Variants in MBP observed in about 807,000 individuals in gnomAD.
MBP encodes the protein Golli-MBP.
A neutral mutation model predicts 35.8 loss-of-function variants in MBP; 16 were observed. The ratio of observed to expected loss-of-function variants is 0.45; its 90% CI spans 0.30 to 0.68. The LOEUF is 0.68. Among genes scored for constraint, MBP ranks in the 30% least tolerant of loss-of-function variants. MBP has a pLI of 0.08. For synonymous variants in MBP, 143 were observed against 159.6 expected (o/e 0.90, Z 0.78); for missense variants, 380 against 404.7 (o/e 0.94, Z 0.52).
rs79369339 is a variant in MBP at position 77,066,283 on chromosome 18, A to G, written c.139+15T>C. ...CACCATGTGGCGCCATGTTGCCGAT[A>G]TCTGCGTCACCTACCGAACACTTCG... On this transcript the variant is annotated intron_variant, in intron 3 of 8. Coordinates refer to ENST00000355994, the MANE Select transcript of MBP (RefSeq NM_001025101.2). 0.056 allele frequency: 89,013 copies of G among 1,603,644 alleles called. 3,146 individuals are homozygous for G. The highest frequency in any genetic ancestry group is 0.13 in the African/African-American group (9,901 of 74,590).
At chr18:76,993,670 A>C (rs1970101196) in intron 4 of MBP, among the ~76,000 whole-genome samples, 1 of 151,876 alleles carries the variant, frequency 6.6e-6, no homozygotes, top group Non-Finnish European at 1.5e-5. Context: ...AACGATTCTC[A>C]TTCCTGATGA....
chr18:77,067,807 C>T (rs760424172), intron 2 of MBP: 6 of 510,888 alleles, frequency 1.2e-5, no homozygotes, highest in South Asian at 7.1e-5. Context: ...TGTACATAGT[C>T]TCAATTTTAC....
intron 4 of MBP, among the ~76,000 whole-genome samples, chr18:77,002,056 T>C: frequency 6.6e-6 from 1 of 152,212 alleles, no homozygotes; most frequent in Non-Finnish European, 1.5e-5. Context: ...TTTGGGGAAG[T>C]GGGTCAAATA....
intron 1 of MBP, chr18:77,115,289 G>A (rs966536389): frequency 1.3e-5 from 2 of 152,224 alleles, no homozygotes; most frequent in Admixed American, 6.5e-5. Context: ...TTCACCTGCC[G>A]AGGAACTCAC....
chr18:77,091,776 A>C (rs1674721), intron 2 of MBP, among the ~76,000 whole-genome samples: 4,432 of 151,814 alleles, frequency 0.029, 210 homozygotes, highest in African/African-American at 0.098. Context: ...CCACACACAC[A>C]CCACACACAC....
intron 3 of MBP, among the ~76,000 whole-genome samples, chr18:77,049,419 CTG>C (rs2144684029): frequency 6.6e-6 from 1 of 152,310 alleles, no homozygotes; most frequent in East Asian, 1.9e-4. Context: ...AATTTATAGT[CTG>C]TTTCTTTTGG....
chr18:77,129,149 T>A (rs949159393), intron 1 of MBP, among the ~76,000 whole-genome samples: 1 of 152,244 alleles, frequency 6.6e-6, no homozygotes, highest in Non-Finnish European at 1.5e-5. Flanking sequence ...GTTTCTGTAT[T>A]CTAGATCCTG....
rs532733399 is a variant in MBP at position 77,123,200 on chromosome 18, C to T, written c.-26+9380G>A. On this transcript the variant is annotated intron_variant, in intron 1 of 8. Transcript: ENST00000355994. Reference sequence around the variant, plus strand: ...GTTCTATAATTTTTTGCTTTGATAGCAAGTTTAGCAAACATGGTAGCTTTC... The same window carrying T: ...GTTCTATAATTTTTTGCTTTGATAGTAAGTTTAGCAAACATGGTAGCTTTC... 1.1e-4 allele frequency among the ~76,000 whole-genome samples: 17 copies of T among 152,234 alleles called. No individual in the cohort carries two copies. The South Asian group carries it at 3.5e-3, about 32-fold the overall frequency.
At chr18:77,079,810 T>A (rs914702812) in intron 2 of MBP, among the ~76,000 whole-genome samples, 10 of 152,208 alleles carry the variant, frequency 6.6e-5, no homozygotes, top group Non-Finnish European at 1.3e-4. Context: ...AGGTTCTGTG[T>A]GGGTTGGTTG....
At chr18:76,999,517 G>A (rs528454947) in intron 4 of MBP, among the ~76,000 whole-genome samples, 5 of 151,168 alleles carry the variant, frequency 3.3e-5, no homozygotes, top group South Asian at 2.1e-4. Flanking sequence ...ATGCAGTAGC[G>A]TGATCTTGGC....
intron 2 of MBP, chr18:77,097,479 G>C (rs1356324812): frequency 6.6e-6 from 1 of 152,276 alleles, no homozygotes; most frequent in African/African-American, 2.4e-5. Flanking sequence ...GATGTCCTAG[G>C]GGAGAAGGGA....
intron 3 of MBP, among the ~76,000 whole-genome samples, chr18:77,045,224 A>G (rs915818007): frequency 6.6e-6 from 1 of 152,202 alleles, no homozygotes; most frequent in Non-Finnish European, 1.5e-5. Flanking sequence ...CTCTCTGATC[A>G]CCATGTAAAT....
rs1976004068 is a variant in MBP at position 77,101,443 on chromosome 18, TGC to T, written c.51+3766_51+3767del. On this transcript the variant is annotated intron_variant, in intron 2 of 8. Transcript: ENST00000355994. The surrounding 1 kb of genome is among the most constrained non-coding windows in gnomAD (Gnocchi z 4.3). ...GAGAAGGAGCGCTGTGCCCTGAACC[TGC>T]GCCTGCCTGGAGGAAGTTACACTCC... Among the ~76,000 whole-genome samples, 1 of 152,184 alleles carries T rather than the reference TGC, an allele frequency of 6.6e-6. No individual in the cohort carries two copies. Among genetic ancestry groups the T allele is most frequent in the Non-Finnish European group, 1.5e-5 (1 of 68,024 alleles).
intron 3 of MBP, among the ~76,000 whole-genome samples, chr18:77,062,354 G>C (rs1974016445): frequency 6.6e-6 from 1 of 152,138 alleles, no homozygotes; most frequent in Non-Finnish European, 1.5e-5. Context: ...GGGTGTGTGG[G>C]TCAGAAAACG....
Position 76,988,299 on chromosome 18 carries a change from C to T in MBP, c.750+196G>A. On this transcript the variant is annotated intron_variant, in intron 7 of 8. Coordinates refer to ENST00000355994, the MANE Select transcript of MBP (RefSeq NM_001025101.2). This position sits in a 1 kb window ranked among gnomAD's most constrained non-coding sequence, Gnocchi z 5.2. ...CCCGGCACAGAAGCAAGAGACCAGA[C>T]CTTCCGGAAGGGAAGACCACGTTTC... 6.4e-7 allele frequency: 1 copy of T among 1,556,762 alleles called. No individual in the cohort carries two copies. Among genetic ancestry groups the T allele is most frequent in the Non-Finnish European group, 8.7e-7 (1 of 1,150,008 alleles).
chr18:77,010,813 A>G (rs1971303451), intron 4 of MBP, among the ~76,000 whole-genome samples: 1 of 152,234 alleles, frequency 6.6e-6, no homozygotes, highest in African/African-American at 2.4e-5. Context: ...TGCAGTTGAA[A>G]GACTATTATT....
rs561212091 is a variant in MBP at position 77,028,046 on chromosome 18, T to G, written c.140-10778A>C. On this transcript the variant is annotated intron_variant, in intron 3 of 8. Coordinates refer to ENST00000355994, the MANE Select transcript of MBP (RefSeq NM_001025101.2). The stretch of plus-strand genomic sequence containing the variant: ...TTGGGTGTTTCTTGCAGAGGGGGAT[T>G]TGGCAGGGTCATAGGACAATAGTGG... Among the ~76,000 whole-genome samples the G allele has an allele frequency of 5.4e-3, 813 of 149,854 alleles. 1 individual carries two copies. The highest frequency in any genetic ancestry group is 9.1e-3 in the Non-Finnish European group (611 of 67,368).
intron 1 of MBP, among the ~76,000 whole-genome samples, chr18:77,132,028 C>T (rs1341094645): frequency 6.6e-6 from 1 of 152,064 alleles, no homozygotes; most frequent in East Asian, 1.9e-4. Context: ...GCGCGCGGGG[C>T]CCCCGGGGTG....
At chr18:77,061,486 G>A (rs190255504) in intron 3 of MBP, among the ~76,000 whole-genome samples, 5 of 152,296 alleles carry the variant, frequency 3.3e-5, no homozygotes, top group African/African-American at 1.2e-4. Flanking sequence ...ACTTACGTAT[G>A]GGGAAACCAA....
Sources: gnomAD v4.1 joint callset for allele counts (sites outside exome capture counted in the v4.1 genomes callset) on GRCh38, gnomAD v4.1.1 for gene constraint, Gnocchi (gnomAD v3.1) non-coding constraint, MANE v1.5 for transcripts, NCBI Gene and HGNC (gene_info 2026-07-23, HGNC 2026-07-21) for gene names.